The following R3HCC1L variants were observed in gnomAD, a reference collection of about 807,000 sequenced individuals.
R3HCC1L encodes R3H domain and coiled-coil containing 1 like.
In R3HCC1L, 51 loss-of-function variants were observed where a neutral mutation model predicts 59.9. That is an observed-to-expected ratio of 0.85 (90% CI 0.68 to 1.07). The LOEUF is 1.07. Among genes scored for constraint, R3HCC1L ranks in the 50% least tolerant of loss-of-function variants. The pLI, the probability that R3HCC1L is intolerant of heterozygous loss-of-function variation, is 0.00. For missense variants in R3HCC1L, 965 were observed against 933.0 expected (o/e 1.03, Z -0.45); for synonymous variants, 322 against 315.2 (o/e 1.02, Z -0.23).
intron 6 of R3HCC1L, among the ~76,000 whole-genome samples, chr10:98,232,720 G>GTA (rs1364951958): frequency 6.6e-6 from 1 of 152,124 alleles, no homozygotes; most frequent in Non-Finnish European, 1.5e-5. Flanking sequence ...ATAAGTCAGG[G>GTA]TATAGCCCTT....
intron 2 of R3HCC1L, among the ~76,000 whole-genome samples, chr10:98,156,656 A>G (rs1386402988): frequency 3.3e-5 from 5 of 152,220 alleles, no homozygotes; most frequent in Non-Finnish European, 7.3e-5. Flanking sequence ...GCAGATTAAC[A>G]TAATCTATAG....
chr10:98,166,226 G>A (rs1476803664), intron 4 of R3HCC1L, among the ~76,000 whole-genome samples: 1 of 152,190 alleles, frequency 6.6e-6, no homozygotes, highest in East Asian at 1.9e-4. Context: ...CTCTGTTTCT[G>A]CTGTATGAGA....
intron 1 of R3HCC1L, among the ~76,000 whole-genome samples, chr10:98,154,026 T>C (rs1846566827): frequency 6.6e-6 from 1 of 152,180 alleles, no homozygotes; most frequent in Non-Finnish European, 1.5e-5. Context: ...CTGGAAGTTA[T>C]ATTACAGGTT....
chr10:98,160,496 A>G lies in R3HCC1L; in HGVS notation c.-212-2387A>G, dbSNP rs369276338. On this transcript the variant is annotated intron_variant, in intron 2 of 9. Coordinates refer to ENST00000298999, the MANE Select transcript of R3HCC1L (RefSeq NM_001351015.2). ...GCTACTAGAAAATATTAAATTACAT[A>G]TGTGGCTCCATTATATTTCTATTAG... Among the ~76,000 whole-genome samples the G allele has an allele frequency of 1.4e-4, 21 of 152,364 alleles. No individual in the cohort carries two copies. In the East Asian group the frequency reaches 2.9e-3, roughly 21 times the overall value.
chr10:98,187,429 A>G (rs1850328556), intron 4 of R3HCC1L, among the ~76,000 whole-genome samples: 1 of 152,092 alleles, frequency 6.6e-6, no homozygotes, highest in African/African-American at 2.4e-5. Flanking sequence ...TAGGTCTCTT[A>G]ATCATTTCTC....
chr10:98,234,246 G>A, intron 6 of R3HCC1L, among the ~76,000 whole-genome samples, 200 bp from the exon 7 acceptor site: 1 of 152,146 alleles, frequency 6.6e-6, no homozygotes, highest in East Asian at 1.9e-4. Context: ...CTGGGTACTT[G>A]TTTATGATGG....
In R3HCC1L at chr10:98,215,472, T is replaced by G. The variant is rs572869019; in HGVS notation, c.1785+5573T>G. 2.0e-5 allele frequency among the ~76,000 whole-genome samples: 3 copies of G among 152,364 alleles called. No homozygotes were observed. The South Asian group carries it at 6.2e-4, about 32-fold the overall frequency. ...TAAAATAAATTGGTTAAGATTTTCC[T>G]AATACTTCACGTTCACAATCCAACT... On this transcript the variant is annotated intron_variant, in intron 5 of 9. Transcript: ENST00000298999.
intron 4 of R3HCC1L, among the ~76,000 whole-genome samples, chr10:98,170,421 TCTCC>T (rs1479016860): frequency 2.0e-5 from 3 of 152,108 alleles, no homozygotes; most frequent in Non-Finnish European, 4.4e-5. Flanking sequence ...GCTCAAGCAG[TCTCC>T]CTCCCTCTCA....
chr10:98,135,236 A>G (rs930385508), intron 1 of R3HCC1L, among the ~76,000 whole-genome samples: 1 of 152,108 alleles, frequency 6.6e-6, no homozygotes, highest in Non-Finnish European at 1.5e-5. Flanking sequence ...CCCAAGTCCG[A>G]TCTTTAAAGT....
intron 4 of R3HCC1L, chr10:98,174,594 AAC>A: frequency 1.0e-6 from 1 of 984,404 alleles, no homozygotes; most frequent in Non-Finnish European, 1.2e-6. Context: ...TCTCAGTTTA[AAC>A]ACAACTCATT....
chr10:98,217,237 A>G, intron 5 of R3HCC1L, among the ~76,000 whole-genome samples: 1 of 152,180 alleles, frequency 6.6e-6, no homozygotes, highest in East Asian at 1.9e-4. Flanking sequence ...TCTTCTGCAT[A>G]TAGACATCCA....
chr10:98,224,048 G>T (rs1369531216), intron 5 of R3HCC1L, among the ~76,000 whole-genome samples: 1 of 152,058 alleles, frequency 6.6e-6, no homozygotes, highest in Non-Finnish European at 1.5e-5. Flanking sequence ...GCACTTGAAT[G>T]CAGGCTGTGG....
chr10:98,227,052 C>G (rs1855747187), intron 5 of R3HCC1L, among the ~76,000 whole-genome samples: 1 of 152,180 alleles, frequency 6.6e-6, no homozygotes, highest in South Asian at 2.1e-4. Context: ...ACATTCTCTT[C>G]TGCTTTCTAC....
intron 1 of R3HCC1L, among the ~76,000 whole-genome samples, chr10:98,145,366 A>C (rs538649892): frequency 1.3e-5 from 2 of 152,336 alleles, no homozygotes; most frequent in East Asian, 3.9e-4. Context: ...ATACCGCAAA[A>C]TTTTGAGCCT....
At chr10:98,223,440 CT>C (rs1855291689) in intron 5 of R3HCC1L, among the ~76,000 whole-genome samples, 1 of 150,722 alleles carries the variant, frequency 6.6e-6, no homozygotes, top group Admixed American at 6.7e-5. Flanking sequence ...TGTTTCCTTG[CT>C]TTTTTATGTT....
chr10:98,143,175 G>C (rs1235030180), intron 1 of R3HCC1L, among the ~76,000 whole-genome samples: 1 of 152,182 alleles, frequency 6.6e-6, no homozygotes, highest in Non-Finnish European at 1.5e-5. Context: ...TTATTAGCTT[G>C]TTTTGGTAGT....
chr10:98,219,087 T>G (rs757873786), intron 5 of R3HCC1L, among the ~76,000 whole-genome samples: 54 of 152,182 alleles, frequency 3.5e-4, no homozygotes, highest in Non-Finnish European at 6.3e-4. Flanking sequence ...AATTTGTGTA[T>G]TTTTAGTAGA....
chr10:98,143,922 A>G (rs1315007131), intron 1 of R3HCC1L, among the ~76,000 whole-genome samples: 1 of 152,134 alleles, frequency 6.6e-6, no homozygotes, highest in Non-Finnish European at 1.5e-5. Flanking sequence ...TTATTACCCT[A>G]TTCTGTTTTC....
At chr10:98,225,943 C>T (rs1855624092) in intron 5 of R3HCC1L, among the ~76,000 whole-genome samples, 1 of 152,082 alleles carries the variant, frequency 6.6e-6, no homozygotes, top group South Asian at 2.1e-4. Context: ...CGGACTCAAG[C>T]TATCCTCCGG....
Sources: gnomAD v4.1 joint callset for allele counts (sites outside exome capture counted in the v4.1 genomes callset) on GRCh38, gnomAD v4.1.1 for gene constraint, MANE v1.5 for transcripts, NCBI Gene and HGNC (gene_info 2026-07-23, HGNC 2026-07-21) for gene names.